Variants in CNTNAP5 observed in about 807,000 individuals in gnomAD.
The protein encoded by CNTNAP5 is contactin associated protein family member 5.
Under a neutral mutation model 150.2 loss-of-function variants are expected in CNTNAP5, and 72 were observed. The ratio of observed to expected loss-of-function variants is 0.48; its 90% CI spans 0.40 to 0.58. The LOEUF (loss-of-function observed/expected upper bound fraction) is 0.58, where lower values mean the gene tolerates loss of function less well. Among genes scored for constraint, CNTNAP5 ranks in the 20% least tolerant of loss-of-function variants. CNTNAP5 has a pLI of 0.00. For synonymous variants in CNTNAP5, 672 were observed against 619.8 expected, an observed-to-expected ratio of 1.08 and a Z score of -1.25; for missense variants, 1,636 against 1,626.2, an observed-to-expected ratio of 1.01 and a Z score of -0.10.
chr2:124,491,453 G>GGAGAGA (rs3980966), intron 7 of CNTNAP5, among the ~76,000 whole-genome samples: 97 of 150,584 alleles, frequency 6.4e-4, no homozygotes, highest in African/African-American at 1.6e-3. Flanking sequence ...ACACACATAT[G>GGAGAGA]GAGAGAGAGA....
At chr2:124,751,345 G>T (rs915184607) in intron 14 of CNTNAP5, among the ~76,000 whole-genome samples, 1 of 152,170 alleles carries the variant, frequency 6.6e-6, no homozygotes, top group African/African-American at 2.4e-5. Context: ...ATGTACAGAA[G>T]ATAAAGGAAA....
intron 1 of CNTNAP5, among the ~76,000 whole-genome samples, chr2:124,165,201 T>A (rs1272820346): frequency 6.6e-6 from 1 of 152,164 alleles, no homozygotes; most frequent in Non-Finnish European, 1.5e-5. Flanking sequence ...CCACAGTCTT[T>A]TGAGTCAGAC....
chr2:124,578,156 CAAAAAAA>C (rs556786620), intron 11 of CNTNAP5, among the ~76,000 whole-genome samples: 49 of 69,466 alleles, frequency 7.1e-4, no homozygotes, highest in Non-Finnish European at 9.0e-4. Context: ...ACTAAAAATA[CAAAAAAA>C]AAAAAAAAAA....
chr2:124,902,306 TCAGTTCCATGGA>T (rs1266174141), intron 21 of CNTNAP5, among the ~76,000 whole-genome samples: 1 of 152,148 alleles, frequency 6.6e-6, no homozygotes, highest in African/African-American at 2.4e-5. Flanking sequence ...TGCACACCAA[TCAGTTCCATGGA>T]CAGAACCAAG....
At chr2:124,284,570 A>G (rs911797526) in intron 3 of CNTNAP5, among the ~76,000 whole-genome samples, 1 of 152,146 alleles carries the variant, frequency 6.6e-6, no homozygotes, top group Admixed American at 6.6e-5. Flanking sequence ...ACATTTACCT[A>G]TGTAACAAAC....
At chr2:124,165,897 C>G (rs189648067) in intron 1 of CNTNAP5, among the ~76,000 whole-genome samples, 11 of 152,294 alleles carry the variant, frequency 7.2e-5, no homozygotes, top group Admixed American at 4.6e-4. Flanking sequence ...GTGACCGGCT[C>G]TCTCCACAAG....
Position 124,772,981 on chromosome 2 carries a change from C to T in CNTNAP5, c.2716C>T (p.His906Tyr). 1 of 1,613,416 alleles carries T rather than the reference C, an allele frequency of 6.2e-7. No individual in the cohort carries two copies. Among genetic ancestry groups the T allele is most frequent in the Non-Finnish European group, 8.5e-7 (1 of 1,179,694 alleles). Residue 906 changes from histidine to tyrosine, a missense_variant, in exon 17 of 24, where the codon CAT becomes TAT. His to Tyr is a moderately conservative substitution (Grantham distance 83). Coordinates refer to ENST00000682447, the MANE Select transcript of CNTNAP5 (RefSeq NM_001367498.1). ...RSTRETSEEG[H>Y]FRLQLNSQLF... ...CACCAGGGAGACGTCGGAGGAGGGC[C>T]ATTTTCGACTGCAGCTGAACAGCCA...
chr2:124,028,608 T>G (rs1204393731), intron 1 of CNTNAP5, among the ~76,000 whole-genome samples: 1 of 152,156 alleles, frequency 6.6e-6, no homozygotes, highest in East Asian at 1.9e-4. Context: ...AGGGAATTAG[T>G]TAACATCAAA....
intron 13 of CNTNAP5, among the ~76,000 whole-genome samples, chr2:124,717,678 T>C (rs1175756751): frequency 6.6e-6 from 1 of 152,184 alleles, no homozygotes; most frequent in African/African-American, 2.4e-5. Flanking sequence ...GGTATGTGGA[T>C]GTCAACTAGG....
chr2:124,466,998 A>G (rs1398130739), intron 6 of CNTNAP5, among the ~76,000 whole-genome samples: 1 of 152,208 alleles, frequency 6.6e-6, no homozygotes, highest in Admixed American at 6.6e-5. Context: ...TTAAATGTAG[A>G]CAGAAAGAAA....
chr2:124,413,582 G>A (rs1253757570), intron 3 of CNTNAP5, among the ~76,000 whole-genome samples: 2 of 131,840 alleles, frequency 1.5e-5, no homozygotes, highest in Non-Finnish European at 3.2e-5. Context: ...TCCTTTGTAG[G>A]GACATGGATG....
intron 21 of CNTNAP5, among the ~76,000 whole-genome samples, chr2:124,878,014 A>G (rs1044447684): frequency 1.3e-5 from 2 of 152,126 alleles, no homozygotes; most frequent in Non-Finnish European, 2.9e-5. Context: ...GACTTTCTCA[A>G]TATCACATAA....
chr2:124,462,386 C>A (rs1472584160), intron 6 of CNTNAP5, among the ~76,000 whole-genome samples: 1 of 152,102 alleles, frequency 6.6e-6, no homozygotes, highest in Non-Finnish European at 1.5e-5. Flanking sequence ...CTTTATATTT[C>A]TTCAAGTTTT....
intron 8 of CNTNAP5, among the ~76,000 whole-genome samples, chr2:124,520,509 C>G (rs1452943597): frequency 6.6e-6 from 1 of 152,160 alleles, no homozygotes; most frequent in Non-Finnish European, 1.5e-5. Context: ...TCCCTCTATT[C>G]TCATTGAGAT....
intron 7 of CNTNAP5, among the ~76,000 whole-genome samples, chr2:124,501,233 A>T (rs557758108): frequency 9.7e-4 from 148 of 152,222 alleles, no homozygotes; most frequent in Non-Finnish European, 1.7e-3. Context: ...AGTGAATTTA[A>T]TTACTACAGC....
At chr2:124,692,820 C>T (rs533192671) in intron 13 of CNTNAP5, among the ~76,000 whole-genome samples, 2 of 152,198 alleles carry the variant, frequency 1.3e-5, no homozygotes, top group South Asian at 2.1e-4. Context: ...AGAAACTGCA[C>T]AGTGAACTGT....
intron 22 of CNTNAP5, among the ~76,000 whole-genome samples, chr2:124,906,993 T>C (rs889958846): frequency 2.6e-5 from 4 of 152,094 alleles, no homozygotes; most frequent in Admixed American, 2.6e-4. Context: ...GTAAAGATGA[T>C]GGAAGGCAAT....
intron 2 of CNTNAP5, among the ~76,000 whole-genome samples, chr2:124,230,752 G>A (rs1001783704): frequency 2.6e-5 from 4 of 151,976 alleles, no homozygotes; most frequent in Non-Finnish European, 4.4e-5. Context: ...GACTGGTGTT[G>A]AACTCCTGAC....
chr2:124,407,329 C>T (rs1318132690), intron 3 of CNTNAP5, among the ~76,000 whole-genome samples: 1 of 152,080 alleles, frequency 6.6e-6, no homozygotes, highest in Non-Finnish European at 1.5e-5. Context: ...TTATTTTGTT[C>T]ATGGAACTGT....
Sources: allele counts gnomAD v4.1 joint callset (sites outside exome capture counted in the v4.1 genomes callset), GRCh38; gene constraint gnomAD v4.1.1; transcripts MANE v1.5; gene names NCBI Gene and HGNC (gene_info 2026-07-23, HGNC 2026-07-21).